Variants in CFAP276 observed in about 807,000 individuals in gnomAD.
CFAP276 encodes the protein cilia- and flagella-associated protein 276.
At chr1:109,112,488 C>T in the CFAP276 span, 4 of 1,399,416 alleles carry the variant, frequency 2.9e-6, no homozygotes, top group South Asian at 1.5e-5. Flanking sequence ...CCCTGGTACC[C>T]GACTGAGTGT....
chr1:109,106,486 A>G, the CFAP276 span: 4 of 1,595,164 alleles, frequency 2.5e-6, no homozygotes, highest in Non-Finnish European at 3.4e-6. Flanking sequence ...GTCCATTTAG[A>G]AAGACTCCCC....
At chr1:109,113,751 G>A in the CFAP276 span, 3 of 1,556,216 alleles carry the variant, frequency 1.9e-6, no homozygotes, top group Admixed American at 5.0e-5. Context: ...GCCCGAAAGG[G>A]CAGTAGAAAA....
At chr1:109,111,100 C>T in the CFAP276 span, among the ~76,000 whole-genome samples, 2 of 152,202 alleles carry the variant, frequency 1.3e-5, no homozygotes, top group South Asian at 2.1e-4. Flanking sequence ...TTGTCTCACT[C>T]TCATCCTATC....
chr1:109,112,781 T>C, the CFAP276 span: 1 of 1,494,036 alleles, frequency 6.7e-7, no homozygotes, highest in South Asian at 1.3e-5. Flanking sequence ...GGAGCGCTGG[T>C]TTCGGTTGCC....
chr1:109,113,774 G>T, the CFAP276 span: 1 of 1,390,124 alleles, frequency 7.2e-7, no homozygotes, highest in Non-Finnish European at 1.0e-6. Flanking sequence ...GAAATTTGTT[G>T]GCTGGCTTGG....
the CFAP276 span, among the ~76,000 whole-genome samples, chr1:109,113,185 T>G: frequency 1.7e-4 from 26 of 151,474 alleles, 1 homozygote; most frequent in Admixed American, 6.6e-4. Flanking sequence ...AGCCCAAGAG[T>G]TCGAGACCAG....
chr1:109,106,035 GAGA>G, the CFAP276 span: 3 of 1,613,226 alleles, frequency 1.9e-6, no homozygotes, highest in Non-Finnish European at 2.5e-6. Flanking sequence ...ACACTAGGTG[GAGA>G]AGAAGCCACC....
chr1:109,113,436 G>GAGACCCTGTC, the CFAP276 span, among the ~76,000 whole-genome samples: 2 of 128,548 alleles, frequency 1.6e-5, no homozygotes, highest in African/African-American at 5.5e-5. Flanking sequence ...GAGAGAGAGA[G>GAGACCCTGTC]AGAGAGAGAG....
chr1:109,112,489 G>T, the CFAP276 span: 4 of 1,406,964 alleles, frequency 2.8e-6, no homozygotes, highest in East Asian at 7.9e-5. Flanking sequence ...CCTGGTACCC[G>T]ACTGAGTGTC....
the CFAP276 span, chr1:109,106,583 A>G: frequency 7.4e-6 from 12 of 1,614,082 alleles, no homozygotes; most frequent in Non-Finnish European, 8.5e-6. Context: ...GGGTTGATCC[A>G]GTGTCTGATG....
At chr1:109,113,751 G>T in the CFAP276 span, 2 of 1,556,326 alleles carry the variant, frequency 1.3e-6, no homozygotes, top group Non-Finnish European at 1.8e-6. Flanking sequence ...GCCCGAAAGG[G>T]CAGTAGAAAA....
the CFAP276 span, chr1:109,113,814 G>T: frequency 2.2e-6 from 2 of 925,170 alleles, no homozygotes; most frequent in Non-Finnish European, 3.2e-6. Flanking sequence ...CTTCACACGA[G>T]CCCCGGGCCT....
chr1:109,112,646 T>C, the CFAP276 span: 79 of 1,550,594 alleles, frequency 5.1e-5, no homozygotes, highest in East Asian at 1.8e-3. Context: ...TTATCTAATG[T>C]AGGCTGCTGG....
At chr1:109,112,383 C>CT in the CFAP276 span, among the ~76,000 whole-genome samples, 1 of 152,208 alleles carries the variant, frequency 6.6e-6, no homozygotes, top group Admixed American at 6.5e-5. Flanking sequence ...CCTTGTTCCT[C>CT]TAGACTAGAA....
the CFAP276 span, chr1:109,107,066 C>G: frequency 6.2e-7 from 1 of 1,614,098 alleles, no homozygotes; most frequent in Non-Finnish European, 8.5e-7. Flanking sequence ...TCTTGAATGT[C>G]CCAGTGTGGT....
At chr1:109,109,160 G>A in the CFAP276 span, among the ~76,000 whole-genome samples, 5 of 151,996 alleles carry the variant, frequency 3.3e-5, no homozygotes, top group Admixed American at 2.0e-4. Context: ...CAACCTATTA[G>A]AACTCTCGCT....
the CFAP276 span, chr1:109,106,470 T>A: frequency 1.3e-6 from 2 of 1,567,476 alleles, no homozygotes; most frequent in Admixed American, 3.6e-5. Context: ...AATCCCTGAT[T>A]CATGGGTCCA....
chr1:109,106,207 A>C, the CFAP276 span: 1 of 976,036 alleles, frequency 1.0e-6, no homozygotes, highest in East Asian at 2.5e-5. Flanking sequence ...GCTTCTCATA[A>C]CAGCTGGGAA....
the CFAP276 span, among the ~76,000 whole-genome samples, chr1:109,111,425 G>A: frequency 6.6e-6 from 1 of 150,856 alleles, no homozygotes; most frequent in African/African-American, 2.5e-5. Context: ...AGCCAAGATT[G>A]CACCAGTGCA....
Sources: allele counts gnomAD v4.1 joint callset (sites outside exome capture counted in the v4.1 genomes callset), GRCh38; gene constraint gnomAD v4.1.1; transcripts MANE v1.5; gene names NCBI Gene and HGNC (gene_info 2026-07-23, HGNC 2026-07-21).